Variants in PUM1 observed in about 807,000 individuals in gnomAD.
PUM1 encodes pumilio RNA binding family member 1.
A neutral mutation model predicts 131.8 loss-of-function variants in PUM1; 13 were observed. That is an observed-to-expected ratio of 0.10 (90% CI 0.06 to 0.16). The LOEUF (loss-of-function observed/expected upper bound fraction) is 0.16, where lower values mean the gene tolerates loss of function less well. PUM1 is among the 10% of genes least tolerant of loss of function. The probability of loss-of-function intolerance (pLI) is 1.00; values close to 1 mark genes in which losing one functional copy is unlikely to be tolerated. For synonymous variants in PUM1, 509 were observed against 556.5 expected (o/e 0.91, Z 1.20); for missense variants, 961 against 1,512.4 (o/e 0.64, Z 6.05).
chr1:30,992,799 A>G (rs1209501963), intron 6 of PUM1, 139 bp from the exon 7 acceptor site: 1 of 743,400 alleles, frequency 1.3e-6, no homozygotes, highest in Admixed American at 2.9e-5. Flanking sequence ...AACCAGAGAT[A>G]CTTTACAGGG....
At position 30,964,798 on chromosome 1, in the gene PUM1, G is replaced by A. The variant is rs1465195390; in HGVS notation, c.2199C>T (p.Asn733=). 7 of 1,614,058 alleles carry A rather than the reference G, an allele frequency of 4.3e-6. No individual in the cohort carries two copies. The highest frequency in any genetic ancestry group is 4.5e-5 in the East Asian group (2 of 44,882). Residue 733 remains asparagine (N), a synonymous_variant, in exon 14 of 22, where the codon AAC becomes AAT. Transcript: ENST00000426105. ...SLTPIGHSFY[N]GLSFSSSPGP... is the part of the protein sequence containing the mutation. ...CAGGAGAGGAGGAAAAGCTAAGGCC[G>A]TTATAAAAACTGTGTCCAATGGGGG...
chr1:30,935,172 T>C (rs1570067465), intron 21 of PUM1, among the ~76,000 whole-genome samples: 1 of 152,298 alleles, frequency 6.6e-6, no homozygotes, highest in East Asian at 1.9e-4. Context: ...GGACAATTAT[T>C]TGAAATATAC....
At chr1:31,045,000 T>C (rs1055088998) in intron 2 of PUM1, among the ~76,000 whole-genome samples, 1 of 152,186 alleles carries the variant, frequency 6.6e-6, no homozygotes, top group Admixed American at 6.5e-5. Context: ...AGTAGAGATG[T>C]GGTTTCATAT....
At chr1:31,025,211 C>A (rs1305136729) in intron 3 of PUM1, among the ~76,000 whole-genome samples, 4 of 152,156 alleles carry the variant, frequency 2.6e-5, no homozygotes, top group African/African-American at 9.7e-5. Flanking sequence ...AGCAAGATTT[C>A]TTCTAAGAAA....
At chr1:30,982,167 C>A (rs1208051391) in intron 7 of PUM1, 1 of 152,206 alleles carries the variant, frequency 6.6e-6, no homozygotes, top group Admixed American at 6.5e-5. Flanking sequence ...TAGCACACTT[C>A]TTAGTTCTAA....
intron 12 of PUM1, 76 bp from the exon 13 acceptor site, chr1:30,966,354 C>T (rs965823993): frequency 3.5e-5 from 51 of 1,439,396 alleles, no homozygotes; most frequent in Middle Eastern, 2.6e-4. Flanking sequence ...TATCTTTTTT[C>T]AAAAAATCTT....
At chr1:31,025,545 CT>C (rs35510099) in intron 3 of PUM1, among the ~76,000 whole-genome samples, 713 of 88,756 alleles carry the variant, frequency 8.0e-3, no homozygotes, top group Middle Eastern at 0.02. Context: ...TGTTTTTTGT[CT>C]TTTTTTTTTT....
chr1:31,040,806 G>T (rs1643790670), intron 2 of PUM1, among the ~76,000 whole-genome samples: 1 of 151,780 alleles, frequency 6.6e-6, no homozygotes, highest in Non-Finnish European at 1.5e-5. Flanking sequence ...AACATGAAAG[G>T]TCTCCTATGC....
intron 10 of PUM1, among the ~76,000 whole-genome samples, chr1:30,971,797 C>A (rs138870291): frequency 1.3e-4 from 20 of 152,308 alleles, no homozygotes; most frequent in African/African-American, 4.8e-4. Context: ...GCACAGAAAG[C>A]TTTCAATAAA....
chr1:31,043,967 G>A (rs908032735), intron 2 of PUM1, among the ~76,000 whole-genome samples: 4 of 151,986 alleles, frequency 2.6e-5, no homozygotes, highest in Non-Finnish European at 5.9e-5. Flanking sequence ...AGAAATGAAA[G>A]CATGTCTACA....
chr1:31,005,790 AAAGAG>A (rs1553149936), intron 5 of PUM1, 58 bp downstream of exon 5: 2 of 1,336,604 alleles, frequency 1.5e-6, no homozygotes, highest in Non-Finnish European at 9.7e-7. Flanking sequence ...TAGGGGAAAA[AAAGAG>A]AGAGAGAGAG....
chr1:30,968,600 C>A, intron 10 of PUM1, 108 bp from the exon 11 acceptor site: 1 of 1,198,786 alleles, frequency 8.3e-7, no homozygotes, highest in Admixed American at 3.2e-5. Flanking sequence ...AATTGTTTCC[C>A]TATAATGGTT....
chr1:30,967,340 A>AT, intron 11 of PUM1, 30 bp from the exon 12 acceptor site: 2 of 1,598,940 alleles, frequency 1.3e-6, no homozygotes, highest in South Asian at 2.2e-5. Context: ...AAAGAAATGT[A>AT]TATGTTAAAC....
chr1:31,000,724 C>T (rs1006629983), intron 5 of PUM1, among the ~76,000 whole-genome samples: 1 of 152,112 alleles, frequency 6.6e-6, no homozygotes, highest in African/African-American at 2.4e-5. Flanking sequence ...GTATTTTATA[C>T]CTGCTTGACA....
At chr1:31,055,482 AGAAAAGTAACCT>A (rs1226545517) in intron 2 of PUM1, 1 of 438,652 alleles carries the variant, frequency 2.3e-6, no homozygotes, top group Non-Finnish European at 4.6e-6. Context: ...TAATGACTAC[AGAAAAGTAACCT>A]GTGGGTGGTC....
intron 7 of PUM1, among the ~76,000 whole-genome samples, chr1:30,990,859 G>A (rs1641760340): frequency 6.6e-6 from 1 of 152,178 alleles, no homozygotes; most frequent in African/African-American, 2.4e-5. Context: ...TAACTGCTGA[G>A]ATATATGGTG....
chr1:31,038,984 A>ATATATATATATTTTTTTTTTT, intron 2 of PUM1, among the ~76,000 whole-genome samples: 7 of 49,414 alleles, frequency 1.4e-4, no homozygotes, highest in African/African-American at 8.3e-4. Flanking sequence ...ATATATATAT[A>ATATATATATATTTTTTTTTTT]TTTTTTTTTT....
At chr1:30,952,702 GC>G (rs1639996035) in intron 15 of PUM1, among the ~76,000 whole-genome samples, 9 of 70,648 alleles carry the variant, frequency 1.3e-4, no homozygotes, top group East Asian at 4.2e-4. Flanking sequence ...GGCGGGAGGG[GC>G]AGGGGTGCAG....
chr1:30,939,867 C>T (rs1400615015), intron 20 of PUM1, among the ~76,000 whole-genome samples: 1 of 152,110 alleles, frequency 6.6e-6, no homozygotes, highest in Non-Finnish European at 1.5e-5. Flanking sequence ...AAAATAAAAA[C>T]TTCTTTTTTT....
Sources: gnomAD v4.1 joint callset for allele counts (sites outside exome capture counted in the v4.1 genomes callset) on GRCh38, gnomAD v4.1.1 for gene constraint, MANE v1.5 for transcripts, NCBI Gene and HGNC (gene_info 2026-07-23, HGNC 2026-07-21) for gene names.